Variants in FNDC3B observed in about 807,000 individuals in gnomAD.
FNDC3B encodes fibronectin type III domain containing 3B.
In FNDC3B, 12 loss-of-function variants were observed where a neutral mutation model predicts 151.5. The observed-to-expected ratio is 0.08, with a 90% CI of 0.05 to 0.13. The LOEUF (loss-of-function observed/expected upper bound fraction) is 0.13, where lower values mean the gene tolerates loss of function less well. Ranked by LOEUF, FNDC3B falls within the 10% of genes least tolerant of loss-of-function variation. The probability of loss-of-function intolerance (pLI) is 1.00; values close to 1 mark genes in which losing one functional copy is unlikely to be tolerated. For missense variants in FNDC3B, 1,214 were observed against 1,505.3 expected, an observed-to-expected ratio of 0.81 and a Z score of 3.20; for synonymous variants, 528 against 549.0, an observed-to-expected ratio of 0.96 and a Z score of 0.54.
chr3:172,221,410 A>G (rs542152926), intron 3 of FNDC3B, among the ~76,000 whole-genome samples: 2 of 152,230 alleles, frequency 1.3e-5, no homozygotes, highest in East Asian at 1.9e-4. Flanking sequence ...GTCAGAGCTT[A>G]TCAAAGCATG....
rs758324296 is a variant in FNDC3B at position 172,378,358 on chromosome 3, G to A, written c.3097G>A (p.Ala1033Thr). 6.2e-7 allele frequency: 1 copy of A among 1,614,010 alleles called. No homozygotes were observed. Among genetic ancestry groups the A allele is most frequent in the Non-Finnish European group, 8.5e-7 (1 of 1,179,938 alleles). Residue 1033 changes from alanine to threonine, a missense_variant, in exon 24 of 26, where the codon GCA becomes ACA. Coordinates refer to ENST00000415807, the MANE Select transcript of FNDC3B (RefSeq NM_022763.4). ...ATGCTACTCCTTCAGAATCCAGGCAGCAAGCGAGGCTGGAGAAGGGCCCTT... is the reference window on the plus strand; with the variant it reads ...ATGCTACTCCTTCAGAATCCAGGCAACAAGCGAGGCTGGAGAAGGGCCCTT... ...FTCYSFRIQA[A>T]SEAGEGPFSE... is the part of the protein sequence containing the mutation.
intron 1 of FNDC3B, among the ~76,000 whole-genome samples, chr3:172,057,836 C>T (rs1208958887): frequency 6.6e-6 from 1 of 151,206 alleles, no homozygotes; most frequent in East Asian, 1.9e-4. Context: ...GAAATGCTGT[C>T]TACACCCATT....
chr3:172,060,985 A>G (rs1402577828), intron 1 of FNDC3B, among the ~76,000 whole-genome samples: 1 of 152,200 alleles, frequency 6.6e-6, no homozygotes, highest in African/African-American at 2.4e-5. Context: ...GATAACAGAA[A>G]CCCACTTAAG....
intron 11 of FNDC3B, among the ~76,000 whole-genome samples, chr3:172,322,392 C>G (rs570383892): frequency 1.1e-4 from 17 of 152,294 alleles, no homozygotes; most frequent in African/African-American, 3.9e-4. Context: ...CCACACCCAG[C>G]CTTGGCTTCA....
intron 3 of FNDC3B, among the ~76,000 whole-genome samples, chr3:172,191,383 C>T (rs1012156874): frequency 6.6e-6 from 1 of 152,204 alleles, no homozygotes; most frequent in Non-Finnish European, 1.5e-5. Flanking sequence ...AGTATTGTCA[C>T]TGATACCATC....
In FNDC3B at chr3:172,075,724, AACACACACACACACACAC is replaced by A. The variant is rs57920659; in HGVS notation, c.-29+35979_-29+35996del. ...ACATATTTTACATTGTAGCCCAGTAAACACACACACACACACACACACACACACACACACACACACACA... is the reference window on the plus strand; with the variant it reads ...ACATATTTTACATTGTAGCCCAGTAAACACACACACACACACACACACACA... On this transcript the variant is annotated intron_variant, in intron 1 of 25. Transcript: ENST00000415807. 1.6e-3 allele frequency among the ~76,000 whole-genome samples: 239 copies of A among 146,954 alleles called. 2 individuals carry two copies. Among genetic ancestry groups the A allele is most frequent in the African/African-American group, 5.4e-3 (216 of 39,676 alleles).
intron 3 of FNDC3B, among the ~76,000 whole-genome samples, chr3:172,203,113 A>G (rs1725241622): frequency 6.6e-6 from 1 of 152,216 alleles, no homozygotes; most frequent in Admixed American, 6.5e-5. Context: ...CGATATATAT[A>G]GAAGTGGGAA....
At chr3:172,392,804 TTTTTTC>T in intron 25 of FNDC3B, among the ~76,000 whole-genome samples, 1 of 71,686 alleles carries the variant, frequency 1.4e-5, no homozygotes, top group Non-Finnish European at 3.2e-5. Flanking sequence ...TTTTCTTTTT[TTTTTTC>T]TTTTTTTTTT....
At chr3:172,386,721 A>G (rs1735727762) in intron 25 of FNDC3B, among the ~76,000 whole-genome samples, 1 of 150,096 alleles carries the variant, frequency 6.7e-6, no homozygotes, top group African/African-American at 2.5e-5. Context: ...AGCCTAGGGG[A>G]CAGAGCGAGA....
chr3:172,309,381 CA>C (rs1317361109), intron 10 of FNDC3B, among the ~76,000 whole-genome samples: 3 of 152,112 alleles, frequency 2.0e-5, no homozygotes, highest in Non-Finnish European at 2.9e-5. Context: ...TACCCACCCT[CA>C]AGGAATTAAG....
chr3:172,180,505 T>C (rs1007485336), intron 3 of FNDC3B, among the ~76,000 whole-genome samples: 2 of 152,208 alleles, frequency 1.3e-5, no homozygotes, highest in Non-Finnish European at 2.9e-5. Flanking sequence ...GATCATCTAG[T>C]TTATTCACTC....
chr3:172,085,833 A>G (rs1411820375), intron 1 of FNDC3B, among the ~76,000 whole-genome samples: 1 of 152,240 alleles, frequency 6.6e-6, no homozygotes, highest in Non-Finnish European at 1.5e-5. Flanking sequence ...TTGTTGAACT[A>G]TTAATGCATA....
intron 3 of FNDC3B, among the ~76,000 whole-genome samples, chr3:172,156,272 G>A (rs190865628): frequency 5.9e-5 from 9 of 152,310 alleles, no homozygotes; most frequent in African/African-American, 1.7e-4. Flanking sequence ...ATTGTTTTGA[G>A]CAATAGAACT....
intron 6 of FNDC3B, among the ~76,000 whole-genome samples, chr3:172,282,523 T>C (rs886558598): frequency 1.1e-4 from 17 of 152,208 alleles, no homozygotes; most frequent in African/African-American, 3.6e-4. Flanking sequence ...TTTGGCCCCA[T>C]TCAAGGCCCA....
At chr3:172,296,951 CTT>C (rs1292119272) in intron 8 of FNDC3B, among the ~76,000 whole-genome samples, 2 of 152,134 alleles carry the variant, frequency 1.3e-5, no homozygotes, top group African/African-American at 4.8e-5. Context: ...TGGATAGAGT[CTT>C]TTCATGCAAG....
At chr3:172,248,596 T>A (rs540832323) in intron 5 of FNDC3B, among the ~76,000 whole-genome samples, 5 of 151,800 alleles carry the variant, frequency 3.3e-5, no homozygotes, top group Non-Finnish European at 7.4e-5. Flanking sequence ...GCTTCAGACA[T>A]TTATTATGTT....
intron 2 of FNDC3B, among the ~76,000 whole-genome samples, chr3:172,131,350 G>A (rs533514221): frequency 1.1e-4 from 16 of 150,692 alleles, no homozygotes; most frequent in African/African-American, 3.7e-4. Flanking sequence ...CTGAGATCGC[G>A]CCATTGCACT....
intron 3 of FNDC3B, among the ~76,000 whole-genome samples, chr3:172,216,972 A>G (rs531504734): frequency 8.7e-4 from 133 of 152,328 alleles, no homozygotes; most frequent in Non-Finnish European, 1.5e-3. Context: ...TGTCTGGGCT[A>G]TATGCCTGAC....
intron 1 of FNDC3B, among the ~76,000 whole-genome samples, chr3:172,049,393 G>A (rs1716524013): frequency 6.6e-6 from 1 of 152,102 alleles, no homozygotes; most frequent in African/African-American, 2.4e-5. Context: ...AGATGAATCA[G>A]GGAGTTTGTT....
Sources: gnomAD v4.1 joint callset for allele counts (sites outside exome capture counted in the v4.1 genomes callset) on GRCh38, gnomAD v4.1.1 for gene constraint, MANE v1.5 for transcripts, NCBI Gene and HGNC (gene_info 2026-07-23, HGNC 2026-07-21) for gene names.